Variants in MTMR12 observed in about 807,000 individuals in gnomAD.
MTMR12 encodes the protein myotubularin-related protein 12.
In MTMR12, 33 loss-of-function variants were observed where a neutral mutation model predicts 96.7. The observed-to-expected ratio is 0.34, with a 90% CI of 0.26 to 0.46. MTMR12 has a LOEUF of 0.46. Ranked by LOEUF, MTMR12 falls within the 20% of genes least tolerant of loss-of-function variation. MTMR12 has a pLI of 1.00. For missense variants in MTMR12, 721 were observed against 896.1 expected (o/e 0.80, Z 2.49); for synonymous variants, 298 against 327.2 (o/e 0.91, Z 0.96).
intron 1 of MTMR12, among the ~76,000 whole-genome samples, chr5:32,296,116 G>A (rs1750911893): frequency 1.3e-5 from 2 of 151,658 alleles, no homozygotes; most frequent in African/African-American, 2.4e-5. Context: ...CTGAGATCAC[G>A]CCATTGCATT....
chr5:32,248,635 A>C, intron 9 of MTMR12, 137 bp downstream of exon 9: 1 of 644,298 alleles, frequency 1.6e-6, no homozygotes, highest in South Asian at 2.1e-5. Flanking sequence ...TTAACTCAAA[A>C]TGATCACTGT....
chr5:32,232,880 C>A, intron 15 of MTMR12: 1 of 852,318 alleles, frequency 1.2e-6, no homozygotes, highest in East Asian at 1.2e-4. Flanking sequence ...CCAGAAAGGG[C>A]CAGGCTTTCT....
At chr5:32,282,152 G>C (rs956335368) in intron 1 of MTMR12, among the ~76,000 whole-genome samples, 15 of 152,256 alleles carry the variant, frequency 9.9e-5, no homozygotes, top group Admixed American at 9.8e-4. Flanking sequence ...GGAGGGCGAG[G>C]CGGACGGATC....
chr5:32,234,077 C>A (rs1748112587), intron 14 of MTMR12, 143 bp from the exon 15 acceptor site: 18 of 989,098 alleles, frequency 1.8e-5, no homozygotes, highest in Non-Finnish European at 2.4e-5. Context: ...CTGAGGCTAC[C>A]TGTGGTTATT....
intron 2 of MTMR12, among the ~76,000 whole-genome samples, chr5:32,274,818 G>A (rs866173555): frequency 1.3e-5 from 2 of 152,126 alleles, no homozygotes; most frequent in Non-Finnish European, 2.9e-5. Context: ...GCACCCAGCC[G>A]ACGTGAGAAG....
chr5:32,268,775 T>A lies in MTMR12; in HGVS notation c.509A>T (p.His170Leu). The change falls in exon 6 of 16, where the codon CAT becomes CTT. Residue 170 changes from histidine to leucine, a missense_variant. Physicochemically the swap from His to Leu is moderately conservative, Grantham distance 99 (BLOSUM62 -3). Coordinates refer to ENST00000382142, the MANE Select transcript of MTMR12 (RefSeq NM_001040446.3). Reference sequence around the variant, plus strand: ...AAGCAGTTTAGGAGCCTGGGTATGATGAATTATGCCACTGACAATCTAAAA... The same window carrying A: ...AAGCAGTTTAGGAGCCTGGGTATGAAGAATTATGCCACTGACAATCTAAAA... ...EVKRIVSGII[H>L]HTQAPKLLKR... The A allele has an allele frequency of 6.2e-7, 1 of 1,613,606 alleles. No homozygotes were observed. The highest frequency in any genetic ancestry group is 8.5e-7 in the Non-Finnish European group (1 of 1,179,548).
chr5:32,273,870 G>A, intron 3 of MTMR12, 110 bp downstream of exon 3: 1 of 1,451,962 alleles, frequency 6.9e-7, no homozygotes, highest in Non-Finnish European at 9.4e-7. Context: ...TCTGTCCTTT[G>A]TGTTTATGTG....
intron 1 of MTMR12, among the ~76,000 whole-genome samples, chr5:32,298,908 G>A (rs1319901281): frequency 6.8e-6 from 1 of 147,660 alleles, no homozygotes; most frequent in Non-Finnish European, 1.5e-5. Flanking sequence ...AGCCGAGATC[G>A]CGCCACTGCA....
chr5:32,311,938 C>T (rs1338065603), intron 1 of MTMR12, among the ~76,000 whole-genome samples: 3 of 152,190 alleles, frequency 2.0e-5, no homozygotes, highest in African/African-American at 7.2e-5. Flanking sequence ...CCTACTACAC[C>T]GTATAATTTA....
chr5:32,294,325 CAG>C (rs1465359978), intron 1 of MTMR12, among the ~76,000 whole-genome samples: 1 of 151,740 alleles, frequency 6.6e-6, no homozygotes, highest in Non-Finnish European at 1.5e-5. Context: ...TTTTTAAAGA[CAG>C]AGTCTCCCTC....
Position 32,228,589 on chromosome 5 carries a change from G to GATATA in MTMR12, c.*1188_*1189insTATAT, listed in dbSNP as rs1561727175. 9.7e-6 allele frequency: 1 copy of GATATA among 103,268 alleles called. No homozygotes were observed. Among genetic ancestry groups the GATATA allele is most frequent in the African/African-American group, 4.2e-5 (1 of 23,578 alleles). The allele number at this position is 103,268 out of a possible 1,614,324, so 6.4% of individuals were successfully genotyped here. On this transcript the variant is annotated 3_prime_UTR_variant, in exon 16 of 16. Coordinates refer to ENST00000382142, the MANE Select transcript of MTMR12 (RefSeq NM_001040446.3). ...TATATCATATATATATCATATATAT[G>GATATA]TGATATATATATATATATCATATAT...
At chr5:32,247,186 C>CA (rs1748726606) in intron 10 of MTMR12, among the ~76,000 whole-genome samples, 1 of 152,150 alleles carries the variant, frequency 6.6e-6, no homozygotes, top group African/African-American at 2.4e-5. Flanking sequence ...TCTGTCTCTA[C>CA]AAAAAATGCA....
chr5:32,249,288 C>G (rs759432167), intron 8 of MTMR12, among the ~76,000 whole-genome samples: 2 of 152,130 alleles, frequency 1.3e-5, no homozygotes, highest in Non-Finnish European at 2.9e-5. Context: ...TCCCCCTTAA[C>G]AGCAAGAAAC....
intron 1 of MTMR12, among the ~76,000 whole-genome samples, chr5:32,307,551 T>C (rs1436942756): frequency 6.6e-6 from 1 of 152,212 alleles, no homozygotes. Context: ...AGCAGAGTTT[T>C]CAAAACATAA....
intron 1 of MTMR12, among the ~76,000 whole-genome samples, chr5:32,284,803 A>C (rs1404413618): frequency 6.6e-6 from 1 of 152,162 alleles, no homozygotes; most frequent in African/African-American, 2.4e-5. Context: ...GTTCTTTAAT[A>C]CTCAAGCAGA....
chr5:32,252,641 T>C (rs546775935), intron 8 of MTMR12, among the ~76,000 whole-genome samples: 1 of 152,366 alleles, frequency 6.6e-6, no homozygotes, highest in East Asian at 1.9e-4. Flanking sequence ...TAGCTATTGA[T>C]ATTTACCACA....
intron 1 of MTMR12, among the ~76,000 whole-genome samples, chr5:32,289,693 C>T (rs1360282189): frequency 6.6e-6 from 1 of 152,152 alleles, no homozygotes; most frequent in African/African-American, 2.4e-5. Flanking sequence ...CCCCCAGACT[C>T]ATCCTGTTAT....
At chr5:32,282,772 G>A (rs1750353905) in intron 1 of MTMR12, among the ~76,000 whole-genome samples, 1 of 152,186 alleles carries the variant, frequency 6.6e-6, no homozygotes, top group African/African-American at 2.4e-5. Context: ...TACCTGTTTG[G>A]GTGGGTAGGA....
intron 10 of MTMR12, among the ~76,000 whole-genome samples, chr5:32,246,172 T>TG (rs1561751675): frequency 3.4e-5 from 5 of 145,696 alleles, no homozygotes; most frequent in Admixed American, 6.8e-5. Context: ...AGTAGACAGT[T>TG]TTTTTTTTTT....
Sources: gnomAD v4.1 joint callset for allele counts (sites outside exome capture counted in the v4.1 genomes callset) on GRCh38, gnomAD v4.1.1 for gene constraint, MANE v1.5 for transcripts, NCBI Gene and HGNC (gene_info 2026-07-23, HGNC 2026-07-21) for gene names.